CD34: variants seen among roughly 807,000 people sequenced by gnomAD.
The protein encoded by CD34 is CD34 molecule.
A neutral mutation model predicts 40.1 loss-of-function variants in CD34; 34 were observed. The observed-to-expected ratio is 0.85, with a 90% confidence interval of 0.65 to 1.13. The LOEUF is 1.13. CD34 is among the 50% of genes most tolerant of loss of function. CD34 has a pLI of 0.00. For missense variants in CD34, 426 were observed against 466.9 expected (o/e 0.91, Z 0.81); for synonymous variants, 209 against 190.0 (o/e 1.10, Z -0.82).
chr1:207,893,156 A>G (rs1445439447), intron 4 of CD34, among the ~76,000 whole-genome samples: 1 of 152,138 alleles, frequency 6.6e-6, no homozygotes, highest in Non-Finnish European at 1.5e-5. Context: ...TCAGATTTAC[A>G]AGCTCCTAAC....
chr1:207,906,713 G>A (rs1285736111), intron 1 of CD34, among the ~76,000 whole-genome samples: 5 of 152,014 alleles, frequency 3.3e-5, no homozygotes, highest in South Asian at 2.1e-4. Flanking sequence ...GCATGGTGGC[G>A]CATGCCTGTA....
rs1364937510 is a variant in CD34 at position 207,884,004 on chromosome 1, T to C, written c.*3734A>G. 1 of 152,206 alleles carries C rather than the reference T, an allele frequency of 6.6e-6. No individual in the cohort carries two copies. The highest frequency in any genetic ancestry group is 2.4e-5 in the African/African-American group (1 of 41,436). The allele number at this position is 152,206 out of a possible 1,614,324, so 9.4% of individuals were successfully genotyped here. The stretch of plus-strand genomic sequence containing the variant: ...AAAACCCTCCAGTGGCTTCCCAATC[T>C]ACAACTAAAAAGGCCCCATGTAGTC... On this transcript the variant is annotated 3_prime_UTR_variant, in exon 8 of 8. Transcript: ENST00000310833.
intron 1 of CD34, among the ~76,000 whole-genome samples, chr1:207,903,995 G>C (rs1203031399): frequency 6.6e-6 from 1 of 152,158 alleles, no homozygotes; most frequent in Non-Finnish European, 1.5e-5. Flanking sequence ...TCCTTTTCGG[G>C]GGGGTATTCT....
chr1:207,891,041 C>T (rs1045316011), intron 4 of CD34, among the ~76,000 whole-genome samples: 8 of 152,118 alleles, frequency 5.3e-5, no homozygotes, highest in African/African-American at 1.4e-4. Flanking sequence ...TCCCCAGCAC[C>T]GAGAGTCTGG....
At position 207,885,923 on chromosome 1, in the gene CD34, C is replaced by G. The variant is rs1159049849; in HGVS notation, c.*1815G>C. On this transcript the variant is annotated 3_prime_UTR_variant, in exon 8 of 8. Transcript: ENST00000310833. ...TTCCTGGAGCTCCTCAGCACTCCCT[C>G]CCCAACTTCCTATGGCCTGGTAGGG... The G allele has an allele frequency of 1.3e-5, 2 of 151,806 alleles. No individual in the cohort carries two copies. The highest frequency in any genetic ancestry group is 2.9e-5 in the Non-Finnish European group (2 of 67,948). 9.4% of individuals were successfully genotyped at this position (151,806 alleles called of 1,614,324 possible). A position where few individuals can be genotyped will look rare whatever the true frequency, so the allele number is the denominator to read the frequency against.
At chr1:207,889,090 T>G (rs542752125) in intron 6 of CD34, 71 bp downstream of exon 6, 131 of 1,008,824 alleles carry the variant, frequency 1.3e-4, no homozygotes, top group Non-Finnish European at 9.1e-5. Flanking sequence ...AGATAATGAC[T>G]TCCCCCCTTA....
rs1661800145 is a variant in CD34 at position 207,881,371 on chromosome 1, AT to A, written c.*6366del. 1 of 152,226 alleles carries A rather than the reference AT, an allele frequency of 6.6e-6. No homozygotes were observed. Among genetic ancestry groups the A allele is most frequent in the Non-Finnish European group, 1.5e-5 (1 of 68,054 alleles). The allele number at this position is 152,226 out of a possible 1,614,324, so 9.4% of individuals were successfully genotyped here. On this transcript the variant is annotated 3_prime_UTR_variant, in exon 8 of 8. Coordinates refer to ENST00000310833, the MANE Select transcript of CD34 (RefSeq NM_001025109.2). The stretch of plus-strand genomic sequence containing the variant: ...TACAGAAGCAGATAAAAGAATCAGC[AT>A]TCGGGGGCTGGGCGCGGTGTCTCAC...
At chr1:207,908,494 T>C (rs1662434798) in intron 1 of CD34, among the ~76,000 whole-genome samples, 1 of 152,226 alleles carries the variant, frequency 6.6e-6, no homozygotes, top group South Asian at 2.1e-4. Context: ...TTCCCTTTTA[T>C]TTTTCCCCTC....
At chr1:207,896,422 T>C (rs540949581) in intron 4 of CD34, among the ~76,000 whole-genome samples, 12 of 152,300 alleles carry the variant, frequency 7.9e-5, no homozygotes, top group African/African-American at 2.9e-4. Context: ...AGAAAAGCAA[T>C]ATATTGTAGT....
chr1:207,888,043 GAGGA>G, intron 7 of CD34, 120 bp from the exon 8 acceptor site: 1 of 1,335,802 alleles, frequency 7.5e-7, no homozygotes, highest in Non-Finnish European at 1.0e-6. Context: ...GGGGAGGTGG[GAGGA>G]AGGATCGGAG....
At chr1:207,900,088 G>T in intron 1 of CD34, 85 bp from the exon 2 acceptor site, 1 of 1,047,276 alleles carries the variant, frequency 9.5e-7, no homozygotes, top group Non-Finnish European at 1.4e-6. Flanking sequence ...ACTTCAGGTA[G>T]AATTCGTCTA....
rs113418933 is a variant in CD34 at position 207,910,916 on chromosome 1, ACT to A, written c.79+84_79+85del. On this transcript the variant is annotated intron_variant, in intron 1 of 7. Transcript: ENST00000310833. Reference sequence around the variant, plus strand: ...GGCAGGGGTCCCTTCCCTCCGTGAGACTCTGCTCTGCTGTTCAGCCTCCCAGA... The same window carrying A: ...GGCAGGGGTCCCTTCCCTCCGTGAGACTGCTCTGCTGTTCAGCCTCCCAGA... 1,523 of 1,331,732 alleles carry A rather than the reference ACT, an allele frequency of 1.1e-3. 8 individuals carry two copies. In the African/African-American group the frequency reaches 0.019, roughly 17 times the overall value. 82.5% of individuals were successfully genotyped at this position (1,331,732 alleles called of 1,614,324 possible).
rs1167453478 is a variant in CD34 at position 207,899,174 on chromosome 1, G to T, written c.315C>A (p.Asn105Lys). Residue 105 changes from asparagine to lysine, a missense_variant, in exon 3 of 8, where the codon AAC becomes AAA. Asn to Lys is a moderately conservative substitution (Grantham distance 94, BLOSUM62 0). Transcript: ENST00000310833. Reference protein sequence around the residue: ...STSVITSVYGNTNSSVQSQTS... With the variant: ...STSVITSVYGKTNSSVQSQTS... Reference sequence around the variant, plus strand: ...TCTGTGACTGGACAGAAGAGTTTGTGTTTCCATAAACTGAGGTTATCACAG... The same window carrying T: ...TCTGTGACTGGACAGAAGAGTTTGTTTTTCCATAAACTGAGGTTATCACAG... 6.2e-7 allele frequency: 1 copy of T among 1,614,174 alleles called. No individual in the cohort carries two copies. The highest frequency in any genetic ancestry group is 1.7e-5 in the Admixed American group (1 of 60,028).
Position 207,911,070 on chromosome 1 carries a change from C to G in CD34, c.11G>C (p.Arg4Pro), listed in dbSNP as rs769591700. The change falls in exon 1 of 8, where the codon CGC becomes CCC. Residue 4 changes from arginine (R) to proline (P), a missense_variant. Physicochemically the swap from Arg to Pro is moderately radical, Grantham distance 103 (BLOSUM62 -2). Transcript: ENST00000310833. MLVRRGARAGPRMP... is the reference protein window; with the variant it reads MLVPRGARAGPRMP... The stretch of plus-strand genomic sequence containing the variant: ...CCTGGGCCCTGCGCGCGCGCCCCTG[C>G]GGACCAGCATCCTTCCCGCGCGGCT... 1 of 1,584,888 alleles carries G rather than the reference C, an allele frequency of 6.3e-7. No individual in the cohort carries two copies. The highest frequency in any genetic ancestry group is 8.6e-7 in the Non-Finnish European group (1 of 1,169,138).
Position 207,887,510 on chromosome 1 carries a change from T to C in CD34, c.*228A>G, listed in dbSNP as rs1434060598. On this transcript the variant is annotated 3_prime_UTR_variant, in exon 8 of 8. Coordinates refer to ENST00000310833, the MANE Select transcript of CD34 (RefSeq NM_001025109.2). ...ACCTTGGCTTTCCCCCGTCACACGTTTACCCAAAGAAGACCAGAGTCTGGC... is the reference window on the plus strand; with the variant it reads ...ACCTTGGCTTTCCCCCGTCACACGTCTACCCAAAGAAGACCAGAGTCTGGC... 1.7e-6 allele frequency: 1 copy of C among 579,520 alleles called. No individual in the cohort carries two copies. Among genetic ancestry groups the C allele is most frequent in the African/African-American group, 1.9e-5 (1 of 53,616 alleles). 35.9% of individuals were successfully genotyped at this position (579,520 alleles called of 1,614,324 possible). A position where few individuals can be genotyped will look rare whatever the true frequency, so the allele number is the denominator to read the frequency against.
At chr1:207,889,240 A>G (rs762850475) in intron 5 of CD34, 27 bp from the exon 6 acceptor site, 1 of 1,614,002 alleles carries the variant, frequency 6.2e-7, no homozygotes, top group Non-Finnish European at 8.5e-7. Context: ...GGGTTGCTAA[A>G]TCTAAAGAGA....
At chr1:207,894,283 G>A (rs1376562486) in intron 4 of CD34, among the ~76,000 whole-genome samples, 1 of 152,220 alleles carries the variant, frequency 6.6e-6, no homozygotes, top group Non-Finnish European at 1.5e-5. Flanking sequence ...ATTATACTGA[G>A]TGAAATCAAC....
At chr1:207,889,896 T>C in intron 4 of CD34, 1 of 1,533,838 alleles carries the variant, frequency 6.5e-7, no homozygotes, top group Non-Finnish European at 8.7e-7. Context: ...CGTTGAAGCA[T>C]TGCCCATGTA....
intron 1 of CD34, among the ~76,000 whole-genome samples, chr1:207,907,365 T>C (rs928942183): frequency 6.6e-6 from 1 of 152,200 alleles, no homozygotes; most frequent in African/African-American, 2.4e-5. Flanking sequence ...GTGTCTCTTG[T>C]GCCCACCTAA....
Sources: gnomAD v4.1 joint callset for allele counts (sites outside exome capture counted in the v4.1 genomes callset) on GRCh38, gnomAD v4.1.1 for gene constraint, MANE v1.5 for transcripts, NCBI Gene and HGNC (gene_info 2026-07-23, HGNC 2026-07-21) for gene names.